The following SEH1L variants were observed in gnomAD, a reference collection of about 807,000 sequenced individuals.
The protein encoded by SEH1L is SEH1 like nucleoporin, also known as nucleoporin SEH1.
Under a neutral mutation model 49.5 loss-of-function variants are expected in SEH1L, and 18 were observed. The ratio of observed to expected loss-of-function variants is 0.36; its 90% CI spans 0.25 to 0.54. SEH1L has a LOEUF of 0.54. Ranked by LOEUF, SEH1L falls within the 20% of genes least tolerant of loss-of-function variation. SEH1L has a pLI of 0.87. For synonymous variants in SEH1L, 169 were observed against 178.1 expected, an observed-to-expected ratio of 0.95 and a Z score of 0.41; for missense variants, 404 against 528.8, an observed-to-expected ratio of 0.76 and a Z score of 2.31.
At chr18:12,962,305 A>G (rs2031213757) in intron 3 of SEH1L, among the ~76,000 whole-genome samples, 1 of 151,742 alleles carries the variant, frequency 6.6e-6, no homozygotes. Context: ...AGGCTGAGGC[A>G]AAAGGATCAC....
intron 2 of SEH1L, among the ~76,000 whole-genome samples, chr18:12,953,781 T>G (rs2030692018): frequency 6.6e-6 from 1 of 152,232 alleles, no homozygotes; most frequent in Admixed American, 6.5e-5. Flanking sequence ...AAAACATTTT[T>G]ATTATTCCAA....
chr18:12,979,337 C>T (rs1339521658), intron 6 of SEH1L, among the ~76,000 whole-genome samples: 6 of 149,836 alleles, frequency 4.0e-5, no homozygotes, highest in Non-Finnish European at 4.4e-5. Context: ...TTAATCCATT[C>T]AACCCTGAGT....
rs747016438 is a variant in SEH1L at position 12,971,135 on chromosome 18, C to A, written c.522-18C>A. 44 of 1,560,526 alleles carry A rather than the reference C, an allele frequency of 2.8e-5. No homozygotes were observed. The highest frequency in any genetic ancestry group is 2.7e-4 in the Admixed American group (16 of 59,728). ...TATTTCTTTTGTTATCTAAAATGTT[C>A]TTTCTCCCCGTTTCTAGCTCTCGTG... On this transcript the variant is annotated intron_variant, in intron 4 of 8. Coordinates refer to ENST00000399892, the MANE Select transcript of SEH1L (RefSeq NM_001013437.2).
intron 3 of SEH1L, among the ~76,000 whole-genome samples, chr18:12,962,459 CTTTTTTT>C (rs3070220): frequency 7.9e-5 from 5 of 63,654 alleles, no homozygotes; most frequent in East Asian, 5.8e-4. Context: ...GCATGCCTTT[CTTTTTTT>C]TTTTTTTTTT....
chr18:12,969,371 TAGTG>T (rs1178687735), intron 4 of SEH1L, among the ~76,000 whole-genome samples: 2 of 150,768 alleles, frequency 1.3e-5, no homozygotes, highest in South Asian at 2.1e-4. Context: ...CTGGGCAACA[TAGTG>T]AGACTCCAGT....
intron 6 of SEH1L, among the ~76,000 whole-genome samples, chr18:12,981,544 C>G (rs1598980937): frequency 6.6e-6 from 1 of 152,344 alleles, no homozygotes; most frequent in East Asian, 1.9e-4. Flanking sequence ...AAATTAATGT[C>G]ATTTTTGAAG....
chr18:12,954,753 C>G (rs1187290932), intron 2 of SEH1L, among the ~76,000 whole-genome samples: 1 of 152,100 alleles, frequency 6.6e-6, no homozygotes, highest in Admixed American at 6.5e-5. Flanking sequence ...CAGGCGTGAG[C>G]CACTATGCCT....
At chr18:12,976,067 G>T (rs2031904298) in intron 5 of SEH1L, 1 of 159,006 alleles carries the variant, frequency 6.3e-6, no homozygotes, top group South Asian at 2.0e-4. Flanking sequence ...GTCTATTGCT[G>T]CATGACAGCA....
intron 4 of SEH1L, among the ~76,000 whole-genome samples, chr18:12,970,507 A>T (rs1480106087): frequency 6.6e-6 from 1 of 152,184 alleles, no homozygotes; most frequent in African/African-American, 2.4e-5. Context: ...TGCAGCCTCC[A>T]ACTCCTGGGC....
chr18:12,953,814 T>C (rs1432807762), intron 2 of SEH1L, among the ~76,000 whole-genome samples: 1 of 152,248 alleles, frequency 6.6e-6, no homozygotes, highest in African/African-American at 2.4e-5. Flanking sequence ...TCTCTTGCTT[T>C]TAAGCCTAAT....
At chr18:12,955,311 G>A in intron 2 of SEH1L, 152 bp from the exon 3 acceptor site, 1 of 612,982 alleles carries the variant, frequency 1.6e-6, no homozygotes, top group Non-Finnish European at 2.7e-6. Context: ...TACATGTTAT[G>A]TTGATCAGTT....
intron 6 of SEH1L, among the ~76,000 whole-genome samples, chr18:12,981,014 A>G (rs2032224886): frequency 1.4e-5 from 2 of 142,732 alleles, no homozygotes; most frequent in South Asian, 2.3e-4. Context: ...GGGGCTCCTC[A>G]CTTCTCAGAC....
At chr18:12,955,955 C>T (rs995730903) in intron 3 of SEH1L, among the ~76,000 whole-genome samples, 12 of 151,930 alleles carry the variant, frequency 7.9e-5, no homozygotes, top group African/African-American at 2.4e-4. Context: ...ACCTCAGCCT[C>T]CTGAGTTGCT....
chr18:12,984,415 T>A (rs1289197092), intron 8 of SEH1L, among the ~76,000 whole-genome samples: 1 of 152,254 alleles, frequency 6.6e-6, no homozygotes, highest in African/African-American at 2.4e-5. Context: ...GAAGCTTTAG[T>A]GGTCTATTGG....
chr18:12,986,948 T>C lies in SEH1L; in HGVS notation c.1157T>C (p.Leu386Pro). The change falls in exon 9 of 9, where the codon CTG (leucine) becomes CCG (proline). Residue 386 changes from leucine to proline, a missense_variant. This residue lies in a region of SEH1L where 342 missense variants were observed against 430.8 expected (regional missense o/e 0.79). Coordinates refer to ENST00000399892, the MANE Select transcript of SEH1L (RefSeq NM_001013437.2). ...CTCCTTCCTCCTCCTCCTCCTCCTC[T>C]GGTAGAGCACTCTTGCGATGCTGAC... ...AQLLPPPPPP[L>P]VEHSCDADTA... 4 of 1,613,898 alleles carry C rather than the reference T, an allele frequency of 2.5e-6. No homozygotes were observed. Among genetic ancestry groups the C allele is most frequent in the East Asian group, 2.2e-5 (1 of 44,876 alleles).
At chr18:12,963,117 T>G in intron 3 of SEH1L, 43 bp from the exon 4 acceptor site, 2 of 1,439,756 alleles carry the variant, frequency 1.4e-6, no homozygotes, top group Non-Finnish European at 1.9e-6. Flanking sequence ...CTACCATGCT[T>G]TCTTTTTGTA....
chr18:12,985,320 G>GCTCCTT lies in SEH1L; in HGVS notation c.1070+1131_1070+1136dup. The stretch of plus-strand genomic sequence containing the variant: ...GCATGCACACAGGAATGGAAAGCGA[G>GCTCCTT]CTCCTTTTCCCCTTCCCCAGCGCCG... On this transcript the variant is annotated intron_variant, in intron 8 of 8. Transcript: ENST00000399892. The GCTCCTT allele has an allele frequency of 2.5e-6, 4 of 1,576,974 alleles. No individual in the cohort carries two copies. In the South Asian group the frequency reaches 4.6e-5, roughly 18 times the overall value.
At chr18:12,974,857 C>T (rs1452026040) in intron 5 of SEH1L, among the ~76,000 whole-genome samples, 1 of 152,192 alleles carries the variant, frequency 6.6e-6, no homozygotes, top group South Asian at 2.1e-4. Context: ...GAGTGAATGA[C>T]TAGTCTAAGG....
At chr18:12,964,485 C>T (rs1377548171) in intron 4 of SEH1L, 1 of 152,030 alleles carries the variant, frequency 6.6e-6, no homozygotes, top group African/African-American at 2.4e-5. Context: ...ATACAACTTC[C>T]ACATCCCAAG....
Sources: gnomAD v4.1 joint callset for allele counts (sites outside exome capture counted in the v4.1 genomes callset) on GRCh38, gnomAD v4.1.1 for gene constraint, gnomAD v4.1.1 regional missense constraint, MANE v1.5 for transcripts, NCBI Gene and HGNC (gene_info 2026-07-23, HGNC 2026-07-21) for gene names.